The following LCK variants were observed in gnomAD, a reference collection of about 807,000 sequenced individuals.
LCK encodes the protein LCK proto-oncogene, Src family tyrosine kinase.
A neutral mutation model predicts 64.6 loss-of-function variants in LCK; 14 were observed. That is an observed-to-expected ratio of 0.22 (90% confidence interval 0.14 to 0.34). The LOEUF is 0.34. LCK is among the 10% of genes least tolerant of loss of function. The pLI, the probability that LCK is intolerant of heterozygous loss-of-function variation, is 1.00. For missense variants in LCK, 434 were observed against 668.1 expected, an observed-to-expected ratio of 0.65 and a Z score of 3.86; for synonymous variants, 277 against 263.6, an observed-to-expected ratio of 1.05 and a Z score of -0.49.
rs1233282382 is a variant in LCK, at chr1:32,275,882, T to A, written c.482-32T>A. 1 of 1,612,222 alleles carries A rather than the reference T, an allele frequency of 6.2e-7. No homozygotes were observed. The highest frequency in any genetic ancestry group is 2.2e-5 in the East Asian group (1 of 44,840). ...GGCGGGCCAGACTCACTGCGTTCTT[T>A]CGTCGCTTTGTCCATCCATTCATTC... is the stretch of plus-strand genomic sequence containing the variant. On this transcript the variant is annotated intron_variant, in intron 6 of 12. Transcript: ENST00000336890. This position sits in a 1 kb window ranked among gnomAD's most constrained non-coding sequence, Gnocchi z 6.9.
At position 32,276,808 on chromosome 1, in the gene LCK, T is replaced by C. The variant is rs1179884711; in HGVS notation, c.964+22T>C. On this transcript the variant is annotated intron_variant, in intron 9 of 12. Coordinates refer to ENST00000336890, the MANE Select transcript of LCK (RefSeq NM_005356.5). This position sits in a 1 kb window ranked among gnomAD's most constrained non-coding sequence, Gnocchi z 4.6. ...AATGGTGGGTGCTACCCGAGTCGGC[T>C]ACCAGGGGATACTGCTCTCCCTGCT... 1 of 1,564,630 alleles carries C rather than the reference T, an allele frequency of 6.4e-7. No homozygotes were observed. The highest frequency in any genetic ancestry group is 1.8e-5 in the Admixed American group (1 of 56,844).
chr1:32,272,572 C>CAAGAGAGAGAGAGA (rs1640105599), intron 1 of LCK, among the ~76,000 whole-genome samples: 5 of 49,194 alleles, frequency 1.0e-4, no homozygotes, highest in South Asian at 6.8e-4. Context: ...GACCCTGTCT[C>CAAGAGAGAGAGAGA]AAGAGAGAGA....
intron 1 of LCK, among the ~76,000 whole-genome samples, chr1:32,255,103 T>C (rs1197217379): frequency 1.3e-5 from 2 of 152,112 alleles, no homozygotes; most frequent in Non-Finnish European, 2.9e-5. Context: ...CGTGAAAAAT[T>C]TGGTGTGTGT....
At position 32,284,606 on chromosome 1, in the gene LCK, G is replaced by A. The variant is rs192954233; in HGVS notation, c.1328-908G>A. Among the ~76,000 whole-genome samples the A allele has an allele frequency of 2.0e-5, 3 of 152,224 alleles. No homozygotes were observed. In the East Asian group the frequency reaches 5.8e-4, roughly 29 times the overall value. On this transcript the variant is annotated intron_variant, in intron 12 of 12. Transcript: ENST00000336890. ...GCTGGTCTTGAACTCCTGGCCTCAA[G>A]TGATCTGCCTGCTTTGGCCTCCCAC...
chr1:32,252,795 T>C (rs758076586), intron 1 of LCK, among the ~76,000 whole-genome samples: 1 of 152,210 alleles, frequency 6.6e-6, no homozygotes, highest in Non-Finnish European at 1.5e-5. Context: ...GAAAGCTTCC[T>C]GCAAGAGTCA....
At chr1:32,282,845 A>C (rs1412189154) in intron 12 of LCK, among the ~76,000 whole-genome samples, 4 of 152,014 alleles carry the variant, frequency 2.6e-5, no homozygotes, top group Non-Finnish European at 5.9e-5. Flanking sequence ...AAATTAATTA[A>C]ATGAATAAAT....
At chr1:32,261,846 C>T (rs1006879841) in intron 1 of LCK, among the ~76,000 whole-genome samples, 4 of 144,404 alleles carry the variant, frequency 2.8e-5, no homozygotes, top group South Asian at 2.4e-4. Context: ...CCAGCTACTC[C>T]GGAGGCTGAG....
Position 32,276,070 on chromosome 1 carries a change from C to T in LCK, c.631+7C>T, listed in dbSNP as rs1230613671. ...CTGGTCCGCCATTACACCAGTGAGC[C>T]CGACGGGACCCCTCCCCCGTGCCCT... On this transcript the variant is annotated splice_region_variant and intron_variant, in intron 7 of 12. Transcript: ENST00000336890. This position sits in a 1 kb window ranked among gnomAD's most constrained non-coding sequence, Gnocchi z 4.6. The T allele has an allele frequency of 1.9e-6, 3 of 1,613,776 alleles. No individual in the cohort carries two copies. The East Asian group carries it at 6.7e-5, about 36-fold the overall frequency.
Position 32,276,167 on chromosome 1 carries a change from C to T in LCK, c.631+104C>T. On this transcript the variant is annotated intron_variant, in intron 7 of 12. Coordinates refer to ENST00000336890, the MANE Select transcript of LCK (RefSeq NM_005356.5). The surrounding 1 kb of genome is among the most constrained non-coding windows in gnomAD (Gnocchi z 4.6). The stretch of plus-strand genomic sequence containing the variant: ...TTTCAATGCCCTACTCCATTCCCCG[C>T]AGTGGGTGAGGTGTGGAACCTGACC... The T allele has an allele frequency of 6.7e-7, 1 of 1,485,320 alleles. No individual in the cohort carries two copies. The highest frequency in any genetic ancestry group is 9.2e-7 in the Non-Finnish European group (1 of 1,083,884). 92.0% of individuals were successfully genotyped at this position (1,485,320 alleles called of 1,614,324 possible).
rs1276890203 is a variant in LCK, at chr1:32,285,766, T to G, written c.*50T>G. On this transcript the variant is annotated 3_prime_UTR_variant, in exon 13 of 13. Transcript: ENST00000336890. ...CTCCCCCTTTCTCTCCAGCCTGACT[T>G]GGGGAGATGGAGTTCTTGTGCCATA... 1.3e-6 allele frequency: 2 copies of G among 1,539,150 alleles called. No homozygotes were observed. Among genetic ancestry groups the G allele is most frequent in the African/African-American group, 2.7e-5 (2 of 72,766 alleles).
At chr1:32,270,692 CTTTTTTTTTTTT>C (rs34689678) in intron 1 of LCK, among the ~76,000 whole-genome samples, 6 of 96,794 alleles carry the variant, frequency 6.2e-5, no homozygotes, top group African/African-American at 2.6e-4. Context: ...CGTGCCCGGA[CTTTTTTTTTTTT>C]TTTTTTTTTT....
Position 32,251,936 on chromosome 1 carries a change from GA to G in LCK, c.-6+566del, listed in dbSNP as rs1326887504. Among the ~76,000 whole-genome samples the G allele has an allele frequency of 1.7e-3, 244 of 139,622 alleles. 2 individuals are homozygous for G. In the East Asian group the frequency reaches 0.03, roughly 17 times the overall value. 91.6% of individuals were successfully genotyped at this position (139,622 alleles called of 152,430 possible). ...AGAGAGAGAGAGAGAGAGAGAGAGA[GA>G]CAGAGATCACCCAAGGCATCCAGAT... is the stretch of plus-strand genomic sequence containing the variant. On this transcript the variant is annotated intron_variant, in intron 1 of 12. Coordinates refer to ENST00000336890, the MANE Select transcript of LCK (RefSeq NM_005356.5). The surrounding 1 kb of genome is among the most constrained non-coding windows in gnomAD (Gnocchi z 4.0).
intron 1 of LCK, among the ~76,000 whole-genome samples, chr1:32,260,682 G>GTA (rs1181963961): frequency 6.6e-6 from 1 of 152,120 alleles, no homozygotes; most frequent in Non-Finnish European, 1.5e-5. Flanking sequence ...GAGTACAGTG[G>GTA]TATGATATTG....
chr1:32,281,943 G>A (rs986491387), intron 12 of LCK, among the ~76,000 whole-genome samples: 12 of 152,066 alleles, frequency 7.9e-5, no homozygotes, highest in African/African-American at 2.2e-4. Context: ...GGTGGCACGC[G>A]CCTGTAACCC....
In LCK at chr1:32,276,468, C is replaced by T; in HGVS notation, c.763C>T (p.Gln255Ter). ...LKLVERLGAG[Q>*]FGEVWMGYYN... ...GCTGGTGGAGCGGCTGGGGGCTGGA[C>T]AGTTCGGGGAGGTGTGGATGGGTGA... Residue 255 changes from glutamine to a stop codon, truncating the protein, a stop_gained, in exon 8 of 13, where the codon CAG becomes TAG. Coordinates refer to ENST00000336890, the MANE Select transcript of LCK (RefSeq NM_005356.5). LOFTEE classifies it high-confidence loss of function. The surrounding 1 kb of genome is among the most constrained non-coding windows in gnomAD (Gnocchi z 4.6). The T allele has an allele frequency of 6.2e-7, 1 of 1,611,496 alleles. No homozygotes were observed. The highest frequency in any genetic ancestry group is 8.5e-7 in the Non-Finnish European group (1 of 1,178,964).
chr1:32,255,800 AT>A (rs58539932), intron 1 of LCK, among the ~76,000 whole-genome samples: 16,185 of 133,260 alleles, frequency 0.12, 985 homozygotes, highest in East Asian at 0.31. Flanking sequence ...CATTAAATTT[AT>A]TTTTTTTTTT....
In LCK at chr1:32,285,742, T is replaced by A. The variant is rs1361914100; in HGVS notation, c.*26T>A. 3 of 1,558,948 alleles carry A rather than the reference T, an allele frequency of 1.9e-6. No homozygotes were observed. The East Asian group carries it at 7.2e-5, about 37-fold the overall frequency. On this transcript the variant is annotated 3_prime_UTR_variant, in exon 13 of 13. Transcript: ENST00000336890. ...GAGGCCTTGAGAGGCCCTGGGGTTC[T>A]CCCCCTTTCTCTCCAGCCTGACTTG... is the stretch of plus-strand genomic sequence containing the variant.
In LCK at chr1:32,275,177, G is replaced by A; in HGVS notation, c.278+94G>A. On this transcript the variant is annotated intron_variant, in intron 4 of 12. Transcript: ENST00000336890. This position sits in a 1 kb window ranked among gnomAD's most constrained non-coding sequence, Gnocchi z 6.9. ...TCCTGCGGCCCTTGACCAGCTCGGG[G>A]TGGCCGCCCTTGGGACAAAATTCGA... The A allele has an allele frequency of 6.8e-7, 1 of 1,473,964 alleles. No homozygotes were observed. The highest frequency in any genetic ancestry group is 1.2e-5 in the South Asian group (1 of 84,662). 91.3% of individuals were successfully genotyped at this position (1,473,964 alleles called of 1,614,324 possible). A position where few individuals can be genotyped will look rare whatever the true frequency, so the allele number is the denominator to read the frequency against.
At position 32,274,727 on chromosome 1, in the gene LCK, C is replaced by G; in HGVS notation, c.106-10C>G. 6.4e-7 allele frequency: 1 copy of G among 1,566,078 alleles called. No individual in the cohort carries two copies. Among genetic ancestry groups the G allele is most frequent in the Non-Finnish European group, 8.7e-7 (1 of 1,152,764 alleles). On this transcript the variant is annotated splice_polypyrimidine_tract_variant and intron_variant, in intron 2 of 12. Transcript: ENST00000336890. ...GCTTTCTGACCCCACCCTCATCCCC[C>G]ACTCCACAGCTGCTCATCCGAAATG...
Sources: allele counts gnomAD v4.1 joint callset (sites outside exome capture counted in the v4.1 genomes callset), GRCh38; gene constraint gnomAD v4.1.1; non-coding constraint Gnocchi (gnomAD v3.1); transcripts MANE v1.5; gene names NCBI Gene and HGNC (gene_info 2026-07-23, HGNC 2026-07-21).